RAB27B: variants seen among roughly 807,000 people sequenced by gnomAD.
The protein encoded by RAB27B is ras-related protein Rab-27B.
A neutral mutation model predicts 24.6 loss-of-function variants in RAB27B; 15 were observed. The ratio of observed to expected loss-of-function variants is 0.61; its 90% CI spans 0.41 to 0.94. RAB27B has a LOEUF of 0.94. Among genes scored for constraint, RAB27B ranks in the 40% least tolerant of loss-of-function variants. RAB27B has a pLI of 0.00. For synonymous variants in RAB27B, 105 were observed against 92.5 expected (o/e 1.14, Z -0.78); for missense variants, 261 against 266.8 (o/e 0.98, Z 0.15).
intron 2 of RAB27B, among the ~76,000 whole-genome samples, chr18:54,796,894 G>C (rs1003356653): frequency 6.6e-6 from 1 of 152,132 alleles, no homozygotes; most frequent in Non-Finnish European, 1.5e-5. Flanking sequence ...CATGATAGTT[G>C]TAATAAGAGT....
intron 1 of RAB27B, among the ~76,000 whole-genome samples, chr18:54,868,684 C>T (rs1433394428): frequency 6.6e-6 from 1 of 151,878 alleles, no homozygotes; most frequent in Admixed American, 6.6e-5. Context: ...AGTACAATGG[C>T]GTGATCTCAA....
intron 2 of RAB27B, among the ~76,000 whole-genome samples, chr18:54,752,386 A>T (rs771885027): frequency 4.6e-5 from 7 of 152,166 alleles, no homozygotes; most frequent in Non-Finnish European, 1.0e-4. Flanking sequence ...GGTGGGGCCC[A>T]AGCGTTTGTA....
At chr18:54,795,030 G>C (rs567015172) in intron 2 of RAB27B, among the ~76,000 whole-genome samples, 1 of 152,306 alleles carries the variant, frequency 6.6e-6, no homozygotes, top group East Asian at 1.9e-4. Context: ...AGTCTGGTCT[G>C]TTTCCTGTCA....
chr18:54,849,643 C>T (rs1489693568), intron 1 of RAB27B, among the ~76,000 whole-genome samples: 2 of 152,178 alleles, frequency 1.3e-5, no homozygotes, highest in African/African-American at 4.8e-5. Flanking sequence ...ATCTCTTGAA[C>T]CCAGGAGGTG....
intron 2 of RAB27B, among the ~76,000 whole-genome samples, chr18:54,740,891 A>G (rs915561745): frequency 3.9e-5 from 6 of 152,200 alleles, no homozygotes; most frequent in African/African-American, 1.4e-4. Context: ...CTGCTAGTGC[A>G]TTTTTATTAA....
rs1909616112 is a variant in RAB27B, at chr18:54,801,663, T to A, written c.-19-75904T>A. The stretch of plus-strand genomic sequence containing the variant: ...CATTTCAGGATGATTAGCACATCTC[T>A]GGCTTTTACCCACTAGATACTAGTA... On this transcript the variant is annotated intron_variant, in intron 2 of 4. Transcript: ENST00000586570. 2.0e-5 allele frequency among the ~76,000 whole-genome samples: 3 copies of A among 152,198 alleles called. No homozygotes were observed. The South Asian group carries it at 6.2e-4, about 31-fold the overall frequency.
At chr18:54,804,963 TCTGCCTTC>T (rs1444705845) in intron 2 of RAB27B, among the ~76,000 whole-genome samples, 3 of 139,550 alleles carry the variant, frequency 2.1e-5, no homozygotes, top group South Asian at 2.4e-4. Flanking sequence ...TCTCTTTCTT[TCTGCCTTC>T]CTGCCTTCCT....
intron 2 of RAB27B, among the ~76,000 whole-genome samples, chr18:54,822,617 A>T (rs1424008739): frequency 6.6e-6 from 1 of 152,238 alleles, no homozygotes; most frequent in African/African-American, 2.4e-5. Context: ...GACTATATTT[A>T]TGTATGTGTA....
rs1909768815 is a variant in RAB27B at position 54,732,833 on chromosome 18, C to T, written c.-20+14692C>T. Among the ~76,000 whole-genome samples the T allele has an allele frequency of 2.6e-5, 4 of 152,120 alleles. No homozygotes were observed. In the South Asian group the frequency reaches 8.3e-4, roughly 32 times the overall value. On this transcript the variant is annotated intron_variant, in intron 2 of 4. Transcript: ENST00000586570. ...GGACCAACCTCTATAGGTTAACAAG[C>T]AACTTCACCAAATCTGGGACTTTTA...
At chr18:54,878,619 T>C (rs559200977) in intron 2 of RAB27B, among the ~76,000 whole-genome samples, 1 of 152,302 alleles carries the variant, frequency 6.6e-6, no homozygotes, top group African/African-American at 2.4e-5. Context: ...TTTTCCTGCC[T>C]TCTCTCCTTT....
intron 2 of RAB27B, among the ~76,000 whole-genome samples, chr18:54,793,974 A>C (rs1314505693): frequency 1.3e-5 from 2 of 152,190 alleles, no homozygotes; most frequent in Non-Finnish European, 2.9e-5. Context: ...CCACATAAAA[A>C]TGCACAATCA....
intron 2 of RAB27B, among the ~76,000 whole-genome samples, chr18:54,822,818 C>A (rs373681280): frequency 1.3e-5 from 2 of 152,132 alleles, no homozygotes; most frequent in African/African-American, 2.4e-5. Flanking sequence ...CATACCCACA[C>A]TACTGTGACT....
upstream of RAB27B, among the ~76,000 whole-genome samples, chr18:54,826,277 A>T (rs959583241): frequency 6.6e-6 from 1 of 152,178 alleles, no homozygotes; most frequent in Non-Finnish European, 1.5e-5. Flanking sequence ...GTACAGGAAG[A>T]TGTTATTACT....
chr18:54,891,735 A>G lies in RAB27B; in HGVS notation c.*2322A>G, dbSNP rs1339014858. 2.0e-5 allele frequency: 3 copies of G among 151,982 alleles called. No individual in the cohort carries two copies. 9.4% of individuals were successfully genotyped at this position (151,982 alleles called of 1,614,324 possible). Reference sequence around the variant, plus strand: ...TTCTGTCACTGTCAGTTATTTAATGAGTGTTTTTTCAGGGTCTGTTTTAAG... The same window carrying G: ...TTCTGTCACTGTCAGTTATTTAATGGGTGTTTTTTCAGGGTCTGTTTTAAG... On this transcript the variant is annotated 3_prime_UTR_variant, in exon 6 of 6. Transcript: ENST00000262094.
intron 2 of RAB27B, among the ~76,000 whole-genome samples, chr18:54,813,099 G>A (rs558694640): frequency 7.6e-4 from 115 of 152,234 alleles, no homozygotes; most frequent in Admixed American, 2.0e-3. Context: ...AGGTTCTGTG[G>A]TTCTTGTCTA....
At chr18:54,773,744 C>G (rs998143762) in intron 2 of RAB27B, among the ~76,000 whole-genome samples, 3 of 151,422 alleles carry the variant, frequency 2.0e-5, no homozygotes, top group South Asian at 2.1e-4. Flanking sequence ...GGCATCATCT[C>G]GGCTCACTGC....
intron 1 of RAB27B, among the ~76,000 whole-genome samples, chr18:54,876,150 G>T (rs1329432987): frequency 6.6e-6 from 1 of 152,066 alleles, no homozygotes; most frequent in African/African-American, 2.4e-5. Context: ...AGATAGCAAA[G>T]GGGGAAGAGC....
intron 2 of RAB27B, among the ~76,000 whole-genome samples, chr18:54,758,942 A>G (rs981117639): frequency 2.6e-5 from 4 of 152,216 alleles, no homozygotes; most frequent in East Asian, 1.9e-4. Context: ...ACGTCTCTCT[A>G]TAGCTCTGAA....
At chr18:54,845,106 AG>A (rs1911277093) in intron 1 of RAB27B, among the ~76,000 whole-genome samples, 1 of 152,144 alleles carries the variant, frequency 6.6e-6, no homozygotes, top group South Asian at 2.1e-4. Context: ...GTCTAAGTGT[AG>A]GGTAAAAATC....
Sources: allele counts gnomAD v4.1 joint callset (sites outside exome capture counted in the v4.1 genomes callset), GRCh38; gene constraint gnomAD v4.1.1; transcripts MANE v1.5; gene names NCBI Gene and HGNC (gene_info 2026-07-23, HGNC 2026-07-21).